CHCHD3: variants seen among roughly 807,000 people sequenced by gnomAD.
The protein encoded by CHCHD3 is coiled-coil-helix-coiled-coil-helix domain containing 3.
CHCHD3 carries 20 observed loss-of-function variants against 38.2 expected under a neutral mutation model. The observed-to-expected ratio is 0.52, with a 90% CI of 0.37 to 0.76. The LOEUF (loss-of-function observed/expected upper bound fraction) is 0.76. Ranked by LOEUF, CHCHD3 falls within the 30% of genes least tolerant of loss-of-function variation. CHCHD3 has a pLI of 0.00. For missense variants in CHCHD3, 245 were observed against 279.2 expected (o/e 0.88, Z 0.87); for synonymous variants, 82 against 100.0 (o/e 0.82, Z 1.07).
At chr7:133,046,727 T>C (rs1813998503) in intron 2 of CHCHD3, among the ~76,000 whole-genome samples, 1 of 152,076 alleles carries the variant, frequency 6.6e-6, no homozygotes, top group East Asian at 1.9e-4. Context: ...CACACCCGGC[T>C]AATTTTTTGT....
At chr7:132,803,171 T>C (rs955460362) in intron 6 of CHCHD3, among the ~76,000 whole-genome samples, 5 of 152,188 alleles carry the variant, frequency 3.3e-5, no homozygotes, top group African/African-American at 1.2e-4. Context: ...TTGGTTATAA[T>C]AATTGCAAAT....
chr7:133,002,761 C>A (rs775448043), intron 3 of CHCHD3, among the ~76,000 whole-genome samples: 2 of 152,132 alleles, frequency 1.3e-5, no homozygotes, highest in Non-Finnish European at 1.5e-5. Flanking sequence ...AGAACCCTTA[C>A]TAAAATTGCT....
intron 6 of CHCHD3, chr7:132,815,692 C>T: frequency 2.6e-6 from 1 of 391,170 alleles, no homozygotes. Flanking sequence ...ATTATACAGT[C>T]CTTTAGGCTT....
intron 5 of CHCHD3, among the ~76,000 whole-genome samples, chr7:132,880,932 A>G (rs1809034492): frequency 1.3e-5 from 2 of 152,212 alleles, no homozygotes; most frequent in Admixed American, 6.5e-5. Flanking sequence ...CCAACCAGGA[A>G]TTAATACTAT....
At chr7:133,058,239 C>CT (rs879780240) in intron 2 of CHCHD3, among the ~76,000 whole-genome samples, 284 of 143,130 alleles carry the variant, frequency 2.0e-3, no homozygotes, top group Middle Eastern at 3.6e-3. Flanking sequence ...GCACAAGTTT[C>CT]TTTTTTTTTT....
chr7:133,068,453 G>A (rs1432053261), intron 2 of CHCHD3, among the ~76,000 whole-genome samples: 1 of 152,178 alleles, frequency 6.6e-6, no homozygotes, highest in East Asian at 1.9e-4. Context: ...GGCAGAGAGG[G>A]ACCAGTCATG....
At chr7:133,058,949 A>G (rs1362896) in intron 2 of CHCHD3, among the ~76,000 whole-genome samples, 70,159 of 151,940 alleles carry the variant, frequency 0.46, 17,115 homozygotes, top group African/African-American at 0.62. Context: ...TAGCTCCCTG[A>G]TCTCCCAGTC....
intron 4 of CHCHD3, among the ~76,000 whole-genome samples, chr7:132,937,007 TA>T (rs2048410750): frequency 6.6e-6 from 1 of 152,220 alleles, no homozygotes; most frequent in African/African-American, 2.4e-5. Flanking sequence ...GTTAAGCAAG[TA>T]ATTAAACTAT....
At chr7:133,064,416 A>G (rs193213527) in intron 2 of CHCHD3, among the ~76,000 whole-genome samples, 1 of 152,370 alleles carries the variant, frequency 6.6e-6, no homozygotes, top group Admixed American at 6.5e-5. Flanking sequence ...AAAGTTTCAC[A>G]TATTAAAAGT....
At chr7:133,049,781 A>T (rs1303542987) in intron 2 of CHCHD3, among the ~76,000 whole-genome samples, 2 of 152,232 alleles carry the variant, frequency 1.3e-5, no homozygotes, top group Admixed American at 1.3e-4. Flanking sequence ...TCTGAACATG[A>T]AACAATTTCT....
chr7:132,789,379 GA>G (rs1806401410), intron 7 of CHCHD3, among the ~76,000 whole-genome samples: 1 of 152,170 alleles, frequency 6.6e-6, no homozygotes, highest in Non-Finnish European at 1.5e-5. Context: ...ATCACCAAAA[GA>G]AGAGAGTGGT....
intron 6 of CHCHD3, among the ~76,000 whole-genome samples, chr7:132,799,989 C>T (rs1806747102): frequency 6.6e-6 from 1 of 152,058 alleles, no homozygotes; most frequent in Non-Finnish European, 1.5e-5. Flanking sequence ...AAAGATTTGA[C>T]CCCAGAACAA....
intron 5 of CHCHD3, among the ~76,000 whole-genome samples, chr7:132,840,600 C>T (rs950126250): frequency 4.6e-5 from 7 of 152,144 alleles, no homozygotes; most frequent in African/African-American, 2.4e-5. Flanking sequence ...CTGCTTATTT[C>T]TGCCAAAGCT....
chr7:132,965,481 C>T (rs1313282966), intron 4 of CHCHD3, among the ~76,000 whole-genome samples: 1 of 148,580 alleles, frequency 6.7e-6, no homozygotes, highest in Non-Finnish European at 1.5e-5. Flanking sequence ...AATCTAAAAA[C>T]AAATATTGCT....
Position 132,975,222 on chromosome 7 carries a change from T to C in CHCHD3, c.316A>G (p.Ile106Val). 1 of 1,612,760 alleles carries C rather than the reference T, an allele frequency of 6.2e-7. No individual in the cohort carries two copies. Among genetic ancestry groups the C allele is most frequent in the Non-Finnish European group, 8.5e-7 (1 of 1,180,006 alleles). Residue 106 changes from isoleucine to valine, a missense_variant, in exon 4 of 8, where the codon ATC (isoleucine) becomes GTC (valine). Ile to Val is a conservative substitution (Grantham distance 29). Transcript: ENST00000262570. Reference protein sequence around the residue: ...AAANEQLTRAILRERICSEEE... With the variant: ...AAANEQLTRAVLRERICSEEE... Reference sequence around the variant, plus strand: ...TCGCTACATATCCTCTCCCGAAGGATGGCTCTGGTTAACTGCTCATTGGCA... The same window carrying C: ...TCGCTACATATCCTCTCCCGAAGGACGGCTCTGGTTAACTGCTCATTGGCA...
intron 4 of CHCHD3, among the ~76,000 whole-genome samples, chr7:132,902,724 C>A (rs1445325268): frequency 6.6e-6 from 1 of 151,988 alleles, no homozygotes; most frequent in East Asian, 1.9e-4. Context: ...TGTAAATAAC[C>A]AGTTAATGGG....
chr7:132,867,423 A>T (rs922590034), intron 5 of CHCHD3, among the ~76,000 whole-genome samples: 1 of 152,220 alleles, frequency 6.6e-6, no homozygotes, highest in African/African-American at 2.4e-5. Flanking sequence ...ATTTGAAAGT[A>T]TTCTAAATTA....
chr7:132,909,479 A>T (rs1044208241), intron 4 of CHCHD3, among the ~76,000 whole-genome samples: 8 of 152,156 alleles, frequency 5.3e-5, no homozygotes, highest in African/African-American at 1.9e-4. Context: ...TGACAGAGCG[A>T]GCCTCCATCT....
In CHCHD3 at chr7:132,805,057, G is replaced by A. The variant is rs982155878; in HGVS notation, c.525-8480C>T. ...CAAACTTCCTTGGATGCAGTGCTGCGAGGCAGAAAGAATGTCATGTGGACA... is the reference window on the plus strand; with the variant it reads ...CAAACTTCCTTGGATGCAGTGCTGCAAGGCAGAAAGAATGTCATGTGGACA... On this transcript the variant is annotated intron_variant, in intron 6 of 7. Transcript: ENST00000262570. Among the ~76,000 whole-genome samples, 5 of 152,356 alleles carry A rather than the reference G, an allele frequency of 3.3e-5. No individual in the cohort carries two copies. In the South Asian group the frequency reaches 8.3e-4, roughly 25 times the overall value.
Sources: gnomAD v4.1 joint callset for allele counts (sites outside exome capture counted in the v4.1 genomes callset) on GRCh38, gnomAD v4.1.1 for gene constraint, MANE v1.5 for transcripts, NCBI Gene and HGNC (gene_info 2026-07-23, HGNC 2026-07-21) for gene names.